Variants in RALYL observed in about 807,000 individuals in gnomAD.
RALYL encodes RNA-binding Raly-like protein.
In RALYL, 29 loss-of-function variants were observed where a neutral mutation model predicts 35.1. That is an observed-to-expected ratio of 0.83 (90% CI 0.61 to 1.13). The LOEUF is 1.13. Ranked by LOEUF, RALYL falls within the 50% of genes most tolerant of loss-of-function variation. The pLI is 0.00. For missense variants in RALYL, 359 were observed against 360.4 expected (o/e 1.00, Z 0.03); for synonymous variants, 120 against 127.6 (o/e 0.94, Z 0.40).
intron 2 of RALYL, among the ~76,000 whole-genome samples, chr8:84,586,440 C>T (rs1812031536): frequency 1.3e-5 from 2 of 152,164 alleles, no homozygotes; most frequent in Admixed American, 6.5e-5. Context: ...AAGGCTTAAA[C>T]TCTGGCTGTT....
intron 1 of RALYL, among the ~76,000 whole-genome samples, chr8:84,421,851 T>G (rs2045660784): frequency 1.4e-5 from 2 of 148,090 alleles, no homozygotes; most frequent in African/African-American, 5.0e-5. Flanking sequence ...GGATTACATT[T>G]CTTGATTTGC....
chr8:84,630,151 AAGAT>A (rs1174447271), intron 2 of RALYL, among the ~76,000 whole-genome samples: 7 of 152,084 alleles, frequency 4.6e-5, no homozygotes, highest in African/African-American at 1.2e-4. Context: ...ATTAAAAACA[AAGAT>A]AGACTCTTAA....
intron 1 of RALYL, among the ~76,000 whole-genome samples, chr8:84,235,761 C>CTTTTTTTT (rs200486763): frequency 2.7e-4 from 38 of 138,184 alleles, no homozygotes; most frequent in African/African-American, 6.7e-4. Context: ...TTTTCTTTTT[C>CTTTTTTTT]TTTTTCTTTT....
At chr8:84,457,215 T>C (rs1210379162) in intron 1 of RALYL, among the ~76,000 whole-genome samples, 1 of 151,928 alleles carries the variant, frequency 6.6e-6, no homozygotes, top group East Asian at 1.9e-4. Context: ...AAGCTGTTTT[T>C]CCCTCACCCC....
intron 4 of RALYL, among the ~76,000 whole-genome samples, chr8:84,823,317 T>C (rs1300029069): frequency 6.6e-6 from 1 of 152,162 alleles, no homozygotes; most frequent in Non-Finnish European, 1.5e-5. Flanking sequence ...GTCTATAATA[T>C]AAGGCATTGC....
intron 1 of RALYL, among the ~76,000 whole-genome samples, chr8:84,351,899 T>A (rs1850968365): frequency 6.6e-6 from 1 of 150,412 alleles, no homozygotes; most frequent in Non-Finnish European, 1.5e-5. Flanking sequence ...TGAATTAAGT[T>A]CATGATGACT....
intron 3 of RALYL, among the ~76,000 whole-genome samples, chr8:84,800,474 C>T (rs1463114911): frequency 6.6e-6 from 1 of 152,130 alleles, no homozygotes; most frequent in Non-Finnish European, 1.5e-5. Context: ...ATTCATTTAG[C>T]TCCAAATATT....
rs145198449 is a variant in RALYL at position 84,441,888 on chromosome 8, T to C, written c.-23-87411T>C. On this transcript the variant is annotated intron_variant, in intron 1 of 8. Transcript: ENST00000521268. ...GACTAGTATTGGGGCATTTGTAAGA[T>C]TGGCTTTGGAAATTCCTCTCTGGGT... Among the ~76,000 whole-genome samples, 23 of 152,242 alleles carry C rather than the reference T, an allele frequency of 1.5e-4. No homozygotes were observed. The East Asian group carries it at 4.3e-3, about 28-fold the overall frequency.
chr8:84,616,447 T>G (rs1588530504), intron 2 of RALYL, among the ~76,000 whole-genome samples: 1 of 149,750 alleles, frequency 6.7e-6, no homozygotes, highest in Non-Finnish European at 1.5e-5. Context: ...GGGGTTGTTT[T>G]TTTCTTGTAA....
At chr8:84,515,707 A>G (rs1278522702) in intron 1 of RALYL, among the ~76,000 whole-genome samples, 1 of 152,150 alleles carries the variant, frequency 6.6e-6, no homozygotes, top group African/African-American at 2.4e-5. Flanking sequence ...AGTACAAAAA[A>G]AATTATTAAT....
intron 1 of RALYL, among the ~76,000 whole-genome samples, chr8:84,318,605 C>T (rs1844213495): frequency 6.6e-6 from 1 of 152,012 alleles, no homozygotes; most frequent in Non-Finnish European, 1.5e-5. Flanking sequence ...CTTTTTCCTT[C>T]TTGTTATTGG....
intron 1 of RALYL, among the ~76,000 whole-genome samples, chr8:84,483,317 C>A (rs1252148146): frequency 6.6e-6 from 1 of 152,018 alleles, no homozygotes; most frequent in African/African-American, 2.4e-5. Context: ...CTTTGAAATA[C>A]TAGACTTGGT....
intron 4 of RALYL, 51 bp downstream of exon 4, chr8:84,804,853 C>A: frequency 1.1e-6 from 1 of 938,672 alleles, no homozygotes; most frequent in Non-Finnish European, 1.4e-6. Flanking sequence ...TTCAAATTTC[C>A]AAGAACTTCT....
intron 2 of RALYL, among the ~76,000 whole-genome samples, chr8:84,726,907 T>G (rs1184023177): frequency 6.6e-6 from 1 of 152,106 alleles, no homozygotes; most frequent in Non-Finnish European, 1.5e-5. Context: ...CACAAGGTAG[T>G]TAACAAAATG....
At chr8:84,912,059 G>T (rs1454974527) in intron 8 of RALYL, among the ~76,000 whole-genome samples, 1 of 152,052 alleles carries the variant, frequency 6.6e-6, no homozygotes, top group East Asian at 1.9e-4. Context: ...TTTCCTTGAG[G>T]TCAGTGGGTG....
rs7826313 is a variant in RALYL at position 84,239,765 on chromosome 8, C to A, written c.-24+55341C>A. ...AATTAGCCAGACGTGGTGGTGTGTG[C>A]CTGTAATCTCAGCTACCCAGGAGGA... On this transcript the variant is annotated intron_variant, in intron 1 of 8. Coordinates refer to ENST00000521268, the MANE Select transcript of RALYL (RefSeq NM_173848.7). Among the ~76,000 whole-genome samples the A allele has an allele frequency of 8.9e-3, 1,347 of 152,020 alleles. 22 individuals carry two copies. The highest frequency in any genetic ancestry group is 0.031 in the African/African-American group (1,301 of 41,470).
At chr8:84,554,857 C>T (rs1385548731) in intron 2 of RALYL, among the ~76,000 whole-genome samples, 2 of 152,148 alleles carry the variant, frequency 1.3e-5, no homozygotes, top group South Asian at 2.1e-4. Flanking sequence ...ATTATTTCTT[C>T]AAAACAAAAG....
chr8:84,672,042 T>C (rs1203202310), intron 2 of RALYL, among the ~76,000 whole-genome samples: 1 of 152,196 alleles, frequency 6.6e-6, no homozygotes, highest in Non-Finnish European at 1.5e-5. Flanking sequence ...TGTGAATGAA[T>C]AAAACTAAAT....
At chr8:84,441,769 A>T (rs1005021811) in intron 1 of RALYL, among the ~76,000 whole-genome samples, 2 of 152,118 alleles carry the variant, frequency 1.3e-5, no homozygotes, top group African/African-American at 4.8e-5. Flanking sequence ...AAAGTTTAGT[A>T]GCTTATCTAA....
Sources: gnomAD v4.1 joint callset for allele counts (sites outside exome capture counted in the v4.1 genomes callset) on GRCh38, gnomAD v4.1.1 for gene constraint, MANE v1.5 for transcripts, NCBI Gene and HGNC (gene_info 2026-07-23, HGNC 2026-07-21) for gene names.